CCBE1: variants seen among roughly 807,000 people sequenced by gnomAD.
The protein encoded by CCBE1 is collagen and calcium binding EGF domains 1.
A neutral mutation model predicts 50.0 loss-of-function variants in CCBE1; 37 were observed. That is an observed-to-expected ratio of 0.74 (90% CI 0.57 to 0.97). The LOEUF (loss-of-function observed/expected upper bound fraction) is 0.97. Ranked by LOEUF, CCBE1 falls within the 50% of genes least tolerant of loss-of-function variation. CCBE1 has a pLI of 0.00. For synonymous variants in CCBE1, 234 were observed against 203.7 expected, an observed-to-expected ratio of 1.15 and a Z score of -1.27; for missense variants, 538 against 523.8, an observed-to-expected ratio of 1.03 and a Z score of -0.26.
At chr18:59,483,689 A>G (rs528024740) in intron 2 of CCBE1, among the ~76,000 whole-genome samples, 50 of 152,196 alleles carry the variant, frequency 3.3e-4, no homozygotes, top group Non-Finnish European at 6.0e-4. Flanking sequence ...ATTCTGAAGC[A>G]TAACTGGGAA....
At chr18:59,683,743 C>T (rs145844859) in intron 2 of CCBE1, among the ~76,000 whole-genome samples, 267 of 152,010 alleles carry the variant, frequency 1.8e-3, no homozygotes, top group Non-Finnish European at 2.9e-3. Context: ...AGAAAGCAAG[C>T]CAAGGAAGGA....
chr18:59,664,905 G>A (rs922044977), intron 2 of CCBE1, among the ~76,000 whole-genome samples: 1 of 152,174 alleles, frequency 6.6e-6, no homozygotes, highest in East Asian at 1.9e-4. Context: ...CTGAAGAGGT[G>A]AGCTGAGGGA....
rs1170263590 is a variant in CCBE1, at chr18:59,434,469, G to T, written c.*1439C>A. ...GAGGGCCCTCAACAACGTTACAAAG[G>T]AGCAGATCATCCTTCTGGTCTCTTG... On this transcript the variant is annotated 3_prime_UTR_variant, in exon 11 of 11. Transcript: ENST00000439986. 6.6e-6 allele frequency: 1 copy of T among 152,150 alleles called. No homozygotes were observed. Among genetic ancestry groups the T allele is most frequent in the African/African-American group, 2.4e-5 (1 of 41,434 alleles). 9.4% of individuals were successfully genotyped at this position (152,150 alleles called of 1,614,324 possible). A position where few individuals can be genotyped will look rare whatever the true frequency, so the allele number is the denominator to read the frequency against.
chr18:59,606,325 G>C (rs905875208), intron 2 of CCBE1, among the ~76,000 whole-genome samples: 1 of 152,140 alleles, frequency 6.6e-6, no homozygotes, highest in Non-Finnish European at 1.5e-5. Flanking sequence ...AAGCAGCGAG[G>C]CATCTGGGAC....
intron 7 of CCBE1, among the ~76,000 whole-genome samples, chr18:59,442,846 C>A (rs1027336531): frequency 6.6e-6 from 1 of 152,214 alleles, no homozygotes; most frequent in Non-Finnish European, 1.5e-5. Context: ...GCACAACCAA[C>A]TGGAGTTCTC....
intron 5 of CCBE1, among the ~76,000 whole-genome samples, chr18:59,459,840 A>C (rs1247594809): frequency 1.3e-5 from 2 of 152,220 alleles, no homozygotes; most frequent in African/African-American, 2.4e-5. Flanking sequence ...GCAAGGCAAC[A>C]GTATCAGCAT....
intron 2 of CCBE1, among the ~76,000 whole-genome samples, chr18:59,692,790 G>A (rs1280646697): frequency 6.6e-6 from 1 of 152,158 alleles, no homozygotes; most frequent in African/African-American, 2.4e-5. Context: ...TGCCTCATGA[G>A]ACAGCACGGG....
chr18:59,613,396 C>T lies in CCBE1; in HGVS notation c.212+83233G>A, dbSNP rs1002651279. 3.3e-5 allele frequency among the ~76,000 whole-genome samples: 5 copies of T among 151,958 alleles called. 1 individual carries two copies. Among genetic ancestry groups the T allele is most frequent in the East Asian group, 1.9e-4 (1 of 5,196 alleles). ...CTTATTGATTTTAAAAATTAGTATT[C>T]GATGTATTGAAGTTAAAATTCAAAT... On this transcript the variant is annotated intron_variant, in intron 2 of 10. Coordinates refer to ENST00000439986, the MANE Select transcript of CCBE1 (RefSeq NM_133459.4).
intron 2 of CCBE1, among the ~76,000 whole-genome samples, chr18:59,687,769 G>A (rs1315072520): frequency 6.6e-6 from 1 of 151,178 alleles, no homozygotes; most frequent in African/African-American, 2.5e-5. Context: ...GACCAGCCTG[G>A]CCAACATGGC....
At chr18:59,551,065 A>C (rs1292041284) in intron 2 of CCBE1, among the ~76,000 whole-genome samples, 2 of 151,254 alleles carry the variant, frequency 1.3e-5, no homozygotes, top group African/African-American at 4.9e-5. Flanking sequence ...AAAAAAGAAA[A>C]ATAAAAATAC....
chr18:59,653,416 T>TG (rs1163866003), intron 2 of CCBE1, among the ~76,000 whole-genome samples: 7 of 152,324 alleles, frequency 4.6e-5, no homozygotes, highest in Non-Finnish European at 8.8e-5. Context: ...CCAATATATC[T>TG]GGGGACTCAT....
chr18:59,684,364 G>A (rs924216893), intron 2 of CCBE1, among the ~76,000 whole-genome samples: 1 of 152,106 alleles, frequency 6.6e-6, no homozygotes, highest in Non-Finnish European at 1.5e-5. Context: ...CACAAGAATC[G>A]CTTGAACCTG....
Position 59,442,363 on chromosome 18 carries a change from A to G in CCBE1, c.776-2547T>C, listed in dbSNP as rs559480907. Among the ~76,000 whole-genome samples the G allele has an allele frequency of 3.3e-5, 5 of 152,318 alleles. No homozygotes were observed. The East Asian group carries it at 9.6e-4, about 29-fold the overall frequency. ...TCTATAGTATAATGTGTGTGTTTAT[A>G]TGCATTCATGCACTGTACATGTATG... On this transcript the variant is annotated intron_variant, in intron 7 of 10. Transcript: ENST00000439986.
chr18:59,464,276 A>C (rs959554264), intron 5 of CCBE1, among the ~76,000 whole-genome samples: 11 of 152,074 alleles, frequency 7.2e-5, no homozygotes, highest in Admixed American at 5.2e-4. Flanking sequence ...AAAAATACAA[A>C]AATTAGCAGG....
At chr18:59,696,853 G>T in intron 1 of CCBE1, 144 bp from the exon 2 acceptor site, 1 of 920,614 alleles carries the variant, frequency 1.1e-6, no homozygotes, top group Non-Finnish European at 1.7e-6. Flanking sequence ...AAACGCGTAC[G>T]CGGGGCAGAC....
chr18:59,603,138 T>C (rs923037684), intron 2 of CCBE1, among the ~76,000 whole-genome samples: 11 of 152,194 alleles, frequency 7.2e-5, no homozygotes, highest in African/African-American at 2.4e-4. Context: ...ATCCAGTGTG[T>C]GTATCCGCCA....
At chr18:59,597,525 G>C (rs1195171629) in intron 2 of CCBE1, among the ~76,000 whole-genome samples, 2 of 151,882 alleles carry the variant, frequency 1.3e-5, no homozygotes, top group African/African-American at 4.8e-5. Flanking sequence ...AAGGCTCATT[G>C]GGTTGAGGGT....
chr18:59,655,752 G>A (rs996623317), intron 2 of CCBE1, among the ~76,000 whole-genome samples: 2 of 152,112 alleles, frequency 1.3e-5, no homozygotes, highest in South Asian at 2.1e-4. Context: ...GCAGGGCTAC[G>A]GAGGGCCCAC....
At chr18:59,654,962 C>T (rs1441100410) in intron 2 of CCBE1, among the ~76,000 whole-genome samples, 3 of 151,642 alleles carry the variant, frequency 2.0e-5, no homozygotes, top group African/African-American at 4.8e-5. Context: ...GGGTGGGCAC[C>T]TGTAATCCCA....
Sources: allele counts gnomAD v4.1 joint callset (sites outside exome capture counted in the v4.1 genomes callset), GRCh38; gene constraint gnomAD v4.1.1; transcripts MANE v1.5; gene names NCBI Gene and HGNC (gene_info 2026-07-23, HGNC 2026-07-21).